Variants in ABCB5 observed in about 807,000 individuals in gnomAD.
ABCB5 encodes the protein ATP binding cassette subfamily B member 5.
A neutral mutation model predicts 144.2 loss-of-function variants in ABCB5; 155 were observed. That is an observed-to-expected ratio of 1.08 (90% CI 0.94 to 1.23). The LOEUF (loss-of-function observed/expected upper bound fraction) is 1.23, where lower values mean the gene tolerates loss of function less well. ABCB5 is among the 50% of genes most tolerant of loss of function. The pLI is 0.00. For synonymous variants in ABCB5, 610 were observed against 528.6 expected, an observed-to-expected ratio of 1.15 and a Z score of -2.11; for missense variants, 1,830 against 1,520.8, an observed-to-expected ratio of 1.20 and a Z score of -3.38.
chr7:20,716,114 C>A (rs1236284706), intron 20 of ABCB5, among the ~76,000 whole-genome samples: 1 of 152,076 alleles, frequency 6.6e-6, no homozygotes, highest in Non-Finnish European at 1.5e-5. Context: ...TAGGAGATAT[C>A]CAAACAGAAA....
At chr7:20,627,209 A>G (rs934281610) in intron 3 of ABCB5, among the ~76,000 whole-genome samples, 4 of 152,152 alleles carry the variant, frequency 2.6e-5, no homozygotes, top group African/African-American at 9.7e-5. Flanking sequence ...TGTCCCTACA[A>G]ATATACATGA....
chr7:20,662,928 T>C (rs1166637006), intron 14 of ABCB5, among the ~76,000 whole-genome samples: 2 of 152,206 alleles, frequency 1.3e-5, no homozygotes. Flanking sequence ...AAGCCATTTG[T>C]GGGTCCTTAT....
intron 20 of ABCB5, among the ~76,000 whole-genome samples, chr7:20,709,127 C>A (rs1786922806): frequency 2.0e-5 from 3 of 152,208 alleles, no homozygotes; most frequent in Admixed American, 1.3e-4. Context: ...CTATGAGCAA[C>A]TGTTCTCACC....
intron 14 of ABCB5, chr7:20,666,669 A>C: frequency 6.7e-7 from 1 of 1,486,680 alleles, no homozygotes. Context: ...TTGTTTGGTC[A>C]AATACCTAAT....
At chr7:20,736,653 T>G (rs1288285442) in intron 23 of ABCB5, among the ~76,000 whole-genome samples, 1 of 152,186 alleles carries the variant, frequency 6.6e-6, no homozygotes, top group Non-Finnish European at 1.5e-5. Flanking sequence ...AGGTGTTCAG[T>G]TCAAATGCCT....
intron 14 of ABCB5, among the ~76,000 whole-genome samples, chr7:20,664,832 G>C (rs1325311351): frequency 6.6e-6 from 1 of 152,168 alleles, no homozygotes; most frequent in Non-Finnish European, 1.5e-5. Flanking sequence ...GGCTCACACT[G>C]TAATCCCAGC....
chr7:20,663,963 G>C (rs146448884), intron 14 of ABCB5, among the ~76,000 whole-genome samples: 4 of 151,526 alleles, frequency 2.6e-5, no homozygotes, highest in African/African-American at 9.7e-5. Flanking sequence ...TGATCCACGC[G>C]CCTCGGCCTC....
At chr7:20,734,480 T>C (rs1004585609) in intron 23 of ABCB5, among the ~76,000 whole-genome samples, 7 of 150,732 alleles carry the variant, frequency 4.6e-5, no homozygotes, top group Admixed American at 3.3e-4. Context: ...ACATTCCAGA[T>C]TACTCCAAGG....
At chr7:20,696,425 G>A (rs137947585) in intron 16 of ABCB5, among the ~76,000 whole-genome samples, 83 of 152,174 alleles carry the variant, frequency 5.5e-4, no homozygotes, top group African/African-American at 1.9e-3. Context: ...GAAGAGGACT[G>A]GCAACTAAGA....
At chr7:20,733,786 A>G (rs544073484) in intron 23 of ABCB5, among the ~76,000 whole-genome samples, 3 of 152,072 alleles carry the variant, frequency 2.0e-5, no homozygotes, top group East Asian at 1.9e-4. Flanking sequence ...CTACAGGCAC[A>G]TGTCACCACA....
chr7:20,684,397 A>G (rs1377085730), intron 15 of ABCB5, among the ~76,000 whole-genome samples: 3 of 152,194 alleles, frequency 2.0e-5, no homozygotes, highest in Non-Finnish European at 2.9e-5. Flanking sequence ...TGTATTATGA[A>G]GAGAGGTCAA....
At chr7:20,720,936 T>A (rs1406149543) in intron 20 of ABCB5, among the ~76,000 whole-genome samples, 1 of 94,210 alleles carries the variant, frequency 1.1e-5, no homozygotes, top group South Asian at 3.8e-4. Context: ...AGAGCGAAAC[T>A]CTGCCTCAAA....
In ABCB5 at chr7:20,756,075, A is replaced by C. The variant is rs996116500; in HGVS notation, c.*451A>C. The C allele has an allele frequency of 6.3e-6, 1 of 159,346 alleles. No individual in the cohort carries two copies. Among genetic ancestry groups the C allele is most frequent in the Non-Finnish European group, 1.4e-5 (1 of 72,576 alleles). 9.9% of individuals were successfully genotyped at this position (159,346 alleles called of 1,614,324 possible). The stretch of plus-strand genomic sequence containing the variant: ...AATTTTGTTTTGCAGCACATATTAC[A>C]GTAGTTTTGCTAGTCCCTTTTCTCC... On this transcript the variant is annotated 3_prime_UTR_variant, in exon 28 of 28. Transcript: ENST00000404938.
At chr7:20,657,483 A>C (rs1370485277) in intron 13 of ABCB5, among the ~76,000 whole-genome samples, 4 of 152,242 alleles carry the variant, frequency 2.6e-5, no homozygotes, top group African/African-American at 9.6e-5. Flanking sequence ...GATGAATATC[A>C]AAAACATTAA....
intron 14 of ABCB5, among the ~76,000 whole-genome samples, chr7:20,668,639 T>G (rs1348266860): frequency 7.3e-5 from 8 of 109,278 alleles, no homozygotes; most frequent in Admixed American, 3.1e-4. Context: ...GTCCGGGAGG[T>G]GAGGGACTCC....
At chr7:20,640,522 A>G (rs549192590) in intron 5 of ABCB5, among the ~76,000 whole-genome samples, 3 of 152,328 alleles carry the variant, frequency 2.0e-5, no homozygotes, top group African/African-American at 7.2e-5. Context: ...CCATCAGTTC[A>G]GTGTGATGCT....
At chr7:20,671,581 G>C (rs1271724074) in intron 14 of ABCB5, among the ~76,000 whole-genome samples, 4 of 152,170 alleles carry the variant, frequency 2.6e-5, no homozygotes, top group African/African-American at 9.6e-5. Context: ...TATGTATTCT[G>C]TTAGGTCTAG....
chr7:20,669,296 T>C (rs1385585527), intron 14 of ABCB5, among the ~76,000 whole-genome samples: 2 of 145,416 alleles, frequency 1.4e-5, no homozygotes, highest in Non-Finnish European at 3.0e-5. Context: ...GCGGGAAGGG[T>C]GGGGAAAAAA....
chr7:20,743,330 A>G (rs1410470781), intron 25 of ABCB5, among the ~76,000 whole-genome samples: 1 of 152,170 alleles, frequency 6.6e-6, no homozygotes, highest in Non-Finnish European at 1.5e-5. Context: ...GATCTTAGCC[A>G]TGGAATTACT....
Sources: gnomAD v4.1 joint callset for allele counts (sites outside exome capture counted in the v4.1 genomes callset) on GRCh38, gnomAD v4.1.1 for gene constraint, MANE v1.5 for transcripts, NCBI Gene and HGNC (gene_info 2026-07-23, HGNC 2026-07-21) for gene names.